Variants in CD96 observed in about 807,000 individuals in gnomAD.
CD96 encodes CD96 molecule.
A neutral mutation model predicts 71.3 loss-of-function variants in CD96; 70 were observed. The observed-to-expected ratio is 0.98, with a 90% CI of 0.81 to 1.20. The LOEUF (loss-of-function observed/expected upper bound fraction) is 1.20, where lower values mean the gene tolerates loss of function less well. Ranked by LOEUF, CD96 falls within the 50% of genes most tolerant of loss-of-function variation. The pLI is 0.00. For missense variants in CD96, 742 were observed against 677.5 expected (o/e 1.10, Z -1.06); for synonymous variants, 248 against 233.0 (o/e 1.06, Z -0.59).
chr3:111,625,074 A>T (rs1938684103), intron 10 of CD96, among the ~76,000 whole-genome samples: 1 of 152,244 alleles, frequency 6.6e-6, no homozygotes, highest in African/African-American at 2.4e-5. Context: ...TTTAAATGTT[A>T]GACTCTTTGC....
chr3:111,608,385 A>C (rs534383296), intron 8 of CD96, among the ~76,000 whole-genome samples: 2 of 152,200 alleles, frequency 1.3e-5, no homozygotes, highest in Non-Finnish European at 2.9e-5. Context: ...TCTTATACTC[A>C]AGGGGATGAG....
At chr3:111,556,620 T>G (rs1353796616) in intron 2 of CD96, among the ~76,000 whole-genome samples, 1 of 132,758 alleles carries the variant, frequency 7.5e-6, no homozygotes, top group Non-Finnish European at 1.6e-5. Flanking sequence ...GACATTTGGG[T>G]TGGTTCCAAG....
intron 2 of CD96, among the ~76,000 whole-genome samples, chr3:111,555,226 A>G (rs576623260): frequency 1.3e-4 from 2 of 15,748 alleles, no homozygotes; most frequent in South Asian, 3.2e-3. Flanking sequence ...AGAGAAAAGA[A>G]AAGAAAAATA....
intron 4 of CD96, 85 bp downstream of exon 4, chr3:111,579,319 T>C: frequency 1.2e-6 from 1 of 817,788 alleles, no homozygotes; most frequent in Non-Finnish European, 2.2e-6. Context: ...CCTATTATGC[T>C]GCAGAGCAGC....
intron 12 of CD96, among the ~76,000 whole-genome samples, chr3:111,640,611 A>G (rs1410775238): frequency 6.6e-6 from 1 of 152,224 alleles, no homozygotes. Context: ...ACAGCCCTAG[A>G]TGTGCAAATA....
At chr3:111,616,660 C>A (rs947568132) in intron 8 of CD96, among the ~76,000 whole-genome samples, 1 of 152,168 alleles carries the variant, frequency 6.6e-6, no homozygotes, top group African/African-American at 2.4e-5. Context: ...GTCTCTGCCA[C>A]CTACTGGCTC....
At chr3:111,568,564 G>A (rs916903588) in intron 3 of CD96, among the ~76,000 whole-genome samples, 9 of 151,902 alleles carry the variant, frequency 5.9e-5, no homozygotes, top group East Asian at 3.9e-4. Flanking sequence ...TTATCTAATC[G>A]GATTTATGAT....
intron 14 of CD96, among the ~76,000 whole-genome samples, chr3:111,658,858 T>C (rs1940291397): frequency 2.0e-5 from 3 of 152,196 alleles, no homozygotes; most frequent in Admixed American, 6.5e-5. Flanking sequence ...TCTTTTTTCA[T>C]TGTGTCTCTG....
chr3:111,609,392 A>C (rs1484194164), intron 8 of CD96, among the ~76,000 whole-genome samples: 1 of 152,162 alleles, frequency 6.6e-6, no homozygotes, highest in Non-Finnish European at 1.5e-5. Context: ...TTTATTGAGC[A>C]CTTACTATAT....
intron 7 of CD96, among the ~76,000 whole-genome samples, chr3:111,603,879 T>G (rs1487301354): frequency 6.6e-6 from 1 of 152,212 alleles, no homozygotes; most frequent in African/African-American, 2.4e-5. Context: ...TCCTGTTTCA[T>G]GACTTCCCTC....
chr3:111,645,050 A>T (rs1156802484), intron 12 of CD96, among the ~76,000 whole-genome samples: 1 of 152,162 alleles, frequency 6.6e-6, no homozygotes, highest in African/African-American at 2.4e-5. Context: ...TTCGAAAAAG[A>T]TACTTGCACA....
chr3:111,567,714 A>C, intron 3 of CD96, 67 bp downstream of exon 3: 1 of 1,368,822 alleles, frequency 7.3e-7, no homozygotes, highest in East Asian at 2.3e-5. Context: ...AAAATGAATA[A>C]GCAGTAATAA....
intron 8 of CD96, among the ~76,000 whole-genome samples, chr3:111,614,660 G>A (rs1217549536): frequency 6.6e-6 from 1 of 152,076 alleles, no homozygotes; most frequent in African/African-American, 2.4e-5. Context: ...GGAAAAATGT[G>A]CACCTTTGCC....
chr3:111,653,039 C>T (rs1940144352), downstream of CD96, among the ~76,000 whole-genome samples: 1 of 152,150 alleles, frequency 6.6e-6, no homozygotes. Flanking sequence ...TTTCCTTACC[C>T]ACCTGCACCA....
intron 10 of CD96, among the ~76,000 whole-genome samples, chr3:111,626,168 G>T (rs142880091): frequency 0.021 from 3,217 of 152,050 alleles, 129 homozygotes; most frequent in African/African-American, 0.075. Context: ...AGGCGTGGTG[G>T]TGGGCACCTG....
In CD96 at chr3:111,545,289, C is replaced by A. The variant is rs1294340405; in HGVS notation, c.305C>A (p.Thr102Asn). 6.2e-7 allele frequency: 1 copy of A among 1,613,998 alleles called. No individual in the cohort carries two copies. Among genetic ancestry groups the A allele is most frequent in the Non-Finnish European group, 8.5e-7 (1 of 1,179,866 alleles). Reference protein sequence around the residue: ...TETPENGSKWTLHLRNMSCSV... With the variant: ...TETPENGSKWNLHLRNMSCSV... The stretch of plus-strand genomic sequence containing the variant: ...ACTCCTGAGAATGGGTCAAAATGGA[C>A]TCTGCACTTAAGGAATATGTCTTGT... Residue 102 changes from threonine (T) to asparagine (N), a missense_variant, in exon 2 of 14, where the codon ACT becomes AAT. Coordinates refer to ENST00000352690, the MANE Select transcript of CD96 (RefSeq NM_005816.5).
At chr3:111,576,095 A>G (rs1401438646) in intron 3 of CD96, among the ~76,000 whole-genome samples, 1 of 152,232 alleles carries the variant, frequency 6.6e-6, no homozygotes, top group African/African-American at 2.4e-5. Context: ...GACTAGAGTA[A>G]GTATATCATA....
chr3:111,656,660 GTT>G (rs1341754941), downstream of CD96, among the ~76,000 whole-genome samples: 1 of 152,076 alleles, frequency 6.6e-6, no homozygotes, highest in East Asian at 1.9e-4. Context: ...ACAAAATAGA[GTT>G]AATGTGCAGT....
chr3:111,622,147 T>G (rs1938546360), intron 8 of CD96, among the ~76,000 whole-genome samples: 1 of 152,148 alleles, frequency 6.6e-6, no homozygotes, highest in South Asian at 2.1e-4. Flanking sequence ...CTATTAGCCC[T>G]TTTCTAGTGC....
Sources: allele counts gnomAD v4.1 joint callset (sites outside exome capture counted in the v4.1 genomes callset), GRCh38; gene constraint gnomAD v4.1.1; transcripts MANE v1.5; gene names NCBI Gene and HGNC (gene_info 2026-07-23, HGNC 2026-07-21).